Variants in C1QTNF8 observed in about 807,000 individuals in gnomAD.
The protein encoded by C1QTNF8 is C1q and TNF related 8, also known as complement C1q tumor necrosis factor-related protein 8.
C1QTNF8 carries 27 observed loss-of-function variants against 19.2 expected under a neutral mutation model. The ratio of observed to expected loss-of-function variants is 1.41; its 90% CI spans 1.04 to 1.94. The LOEUF is 1.94. Ranked by LOEUF, C1QTNF8 falls within the 30% of genes most tolerant of loss-of-function variation. The pLI is 0.00. For synonymous variants in C1QTNF8, 208 were observed against 172.8 expected (o/e 1.20, Z -1.60); for missense variants, 484 against 374.4 (o/e 1.29, Z -2.42).
At chr16:1,093,061 C>G (rs1392547347) in intron 4 of C1QTNF8, among the ~76,000 whole-genome samples, 9 of 120,980 alleles carry the variant, frequency 7.4e-5, no homozygotes, top group African/African-American at 1.1e-4. Flanking sequence ...CAACCAATCA[C>G]TGCACACAGT....
chr16:1,094,078 G>A, intron 3 of C1QTNF8, 27 bp from the exon 4 acceptor site: 1 of 1,408,926 alleles, frequency 7.1e-7, no homozygotes, highest in Non-Finnish European at 9.2e-7. Flanking sequence ...AAAGCCACGG[G>A]TCGGGGCCGG....
In C1QTNF8 at chr16:1,094,868, G is replaced by A. The variant is rs1245815526; in HGVS notation, c.55C>T (p.Pro19Ser). Residue 19 changes from proline to serine, a missense_variant, in exon 3 of 5, where the codon CCC (proline) becomes TCC (serine). Coordinates refer to ENST00000328449, the MANE Select transcript of C1QTNF8 (RefSeq NM_207419.3). ...ACACAGGGCCTCCTGGGCAGCCCGGGCCAGGCCCCCACGGGCAGCAGCAGT... is the reference window on the plus strand; with the variant it reads ...ACACAGGGCCTCCTGGGCAGCCCGGACCAGGCCCCCACGGGCAGCAGCAGT... ...LALLLPVGAW[P>S]GLPRRPCVHC... 1 of 1,405,070 alleles carries A rather than the reference G, an allele frequency of 7.1e-7. No individual in the cohort carries two copies. The highest frequency in any genetic ancestry group is 9.3e-7 in the Non-Finnish European group (1 of 1,075,466). The allele number at this position is 1,405,070 out of a possible 1,614,324, so 87.0% of individuals were successfully genotyped here.
At chr16:1,090,784 G>C (rs1314550945) in intron 4 of C1QTNF8, among the ~76,000 whole-genome samples, 190 bp from the exon 5 acceptor site, 5 of 152,200 alleles carry the variant, frequency 3.3e-5, no homozygotes, top group African/African-American at 1.2e-4. Context: ...GTGGGTGGTG[G>C]GGATGACTGA....
intron 4 of C1QTNF8, 119 bp downstream of exon 4, chr16:1,093,375 CCCA>C: frequency 1.5e-5 from 5 of 335,444 alleles, no homozygotes; most frequent in South Asian, 2.7e-5. Flanking sequence ...CCGCTGCCCG[CCCA>C]CCCCACCACA....
rs1044491759 is a variant in C1QTNF8 at position 1,089,490 on chromosome 16, C to T, written c.*1109G>A. Among the ~76,000 whole-genome samples, 24 of 152,296 alleles carry T rather than the reference C, an allele frequency of 1.6e-4. No individual in the cohort carries two copies. The East Asian group carries it at 3.3e-3, about 21-fold the overall frequency. ...CCCCTCACAGCTGCTCTGGGGTCCCCGACAGAGGCCTTTGCGCACCCCCTG... is the reference window on the plus strand; with the variant it reads ...CCCCTCACAGCTGCTCTGGGGTCCCTGACAGAGGCCTTTGCGCACCCCCTG... On this transcript the variant is annotated 3_prime_UTR_variant, in exon 5 of 5. Transcript: ENST00000328449.
chr16:1,094,731 G>T lies in C1QTNF8; in HGVS notation c.192C>A (p.Asp64Glu). The T allele has an allele frequency of 6.3e-7, 1 of 1,587,036 alleles. No individual in the cohort carries two copies. Among genetic ancestry groups the T allele is most frequent in the Non-Finnish European group, 8.6e-7 (1 of 1,168,116 alleles). Reference sequence around the variant, plus strand: ...GGGCCTCACCTTTGAGGATTTCGATGTCTATAGTGGGCCGTACTCGAGGCA... The same window carrying T: ...GGGCCTCACCTTTGAGGATTTCGATTTCTATAGTGGGCCGTACTCGAGGCA... ...RGLPRVRPTI[D>E]IEILKGEKGE... Residue 64 changes from aspartate to glutamate, a missense_variant, in exon 3 of 5, where the codon GAC (aspartate) becomes GAA (glutamate). Transcript: ENST00000328449.
In C1QTNF8 at chr16:1,094,870, C is replaced by T; in HGVS notation, c.53G>A (p.Trp18Ter). Residue 18 changes from tryptophan (W) to a stop codon, truncating the protein, a stop_gained, in exon 3 of 5, where the codon TGG (tryptophan) becomes TAG (stop). Transcript: ENST00000328449. LOFTEE classifies it high-confidence loss of function. ...LLALLLPVGA[W>*]PGLPRRPCVH... ...ACAGGGCCTCCTGGGCAGCCCGGGCCAGGCCCCCACGGGCAGCAGCAGTGC... is the reference window on the plus strand; with the variant it reads ...ACAGGGCCTCCTGGGCAGCCCGGGCTAGGCCCCCACGGGCAGCAGCAGTGC... 1 of 1,403,016 alleles carries T rather than the reference C, an allele frequency of 7.1e-7. No homozygotes were observed. Among genetic ancestry groups the T allele is most frequent in the Non-Finnish European group, 9.3e-7 (1 of 1,074,304 alleles). The allele number at this position is 1,403,016 out of a possible 1,614,324, so 86.9% of individuals were successfully genotyped here. A position where few individuals can be genotyped will look rare whatever the true frequency, so the allele number is the denominator to read the frequency against.
chr16:1,094,162 T>G (rs1251120495), intron 3 of C1QTNF8, 111 bp from the exon 4 acceptor site: 4 of 848,640 alleles, frequency 4.7e-6, no homozygotes, highest in Non-Finnish European at 3.2e-6. Flanking sequence ...GGACACACTC[T>G]TTGCAAGTGA....
rs541270200 is a variant in C1QTNF8 at position 1,094,040 on chromosome 16, C to T, written c.220G>A (p.Glu74Lys). The change falls in exon 4 of 5, where the codon GAG (glutamate) becomes AAG (lysine). Residue 74 changes from glutamate (E) to lysine (K), a missense_variant. By Grantham distance (56) the Glu-to-Lys change is moderately conservative (BLOSUM62 1). Coordinates refer to ENST00000328449, the MANE Select transcript of C1QTNF8 (RefSeq NM_207419.3). ...DIEILKGEKGEAGVRGRAGRS... is the reference protein window; with the variant it reads ...DIEILKGEKGKAGVRGRAGRS... ...CCGGCCCGACCTCGGACGCCGGCCT[C>T]ACCCTTCTCACCTGCAGGGGACAAA... 2.7e-6 allele frequency: 4 copies of T among 1,460,422 alleles called. No individual in the cohort carries two copies. Among genetic ancestry groups the T allele is most frequent in the African/African-American group, 3.0e-5 (2 of 67,356 alleles). The allele number at this position is 1,460,422 out of a possible 1,614,324, so 90.5% of individuals were successfully genotyped here.
At chr16:1,095,182 C>A (rs1417499031) in intron 2 of C1QTNF8, among the ~76,000 whole-genome samples, 1 of 152,224 alleles carries the variant, frequency 6.6e-6, no homozygotes, top group Non-Finnish European at 1.5e-5. Flanking sequence ...AAAGCTGGGG[C>A]CCCCACACCC....
intron 4 of C1QTNF8, 123 bp downstream of exon 4, chr16:1,093,374 G>GGCC: frequency 2.8e-5 from 5 of 180,216 alleles, no homozygotes; most frequent in Non-Finnish European, 4.0e-5. Context: ...TCCGCTGCCC[G>GGCC]CCCACCCCAC....
intron 4 of C1QTNF8, among the ~76,000 whole-genome samples, chr16:1,091,885 G>A (rs1567391930): frequency 6.6e-6 from 1 of 150,766 alleles, no homozygotes; most frequent in African/African-American, 2.5e-5. Context: ...CACACCGCCT[G>A]GAAGTGACCG....
At chr16:1,093,382 CACCA>C in intron 4 of C1QTNF8, 111 bp downstream of exon 4, 2 of 399,200 alleles carry the variant, frequency 5.0e-6, no homozygotes, top group Non-Finnish European at 9.0e-6. Context: ...CCGCCCACCC[CACCA>C]CACCCACACC....
intron 4 of C1QTNF8, among the ~76,000 whole-genome samples, chr16:1,091,297 G>A (rs910065103): frequency 1.8e-4 from 28 of 152,262 alleles, no homozygotes; most frequent in Middle Eastern, 6.8e-3. Flanking sequence ...GAGGGTTCCA[G>A]GCAGCATGGC....
chr16:1,094,935 T>TG lies in C1QTNF8; in HGVS notation c.-11-3dup. On this transcript the variant is annotated splice_polypyrimidine_tract_variant and splice_region_variant and intron_variant, in intron 2 of 4. Coordinates refer to ENST00000328449, the MANE Select transcript of C1QTNF8 (RefSeq NM_207419.3). ...CGGGGGCTGCCATCTTGGCCAGGGC[T>TG]GGGGGAGAGGAAAGAGGGGAGGGAC... 7.9e-7 allele frequency: 1 copy of TG among 1,260,398 alleles called. No homozygotes were observed. The highest frequency in any genetic ancestry group is 2.5e-5 in the South Asian group (1 of 39,492). 78.1% of individuals were successfully genotyped at this position (1,260,398 alleles called of 1,614,324 possible).
intron 4 of C1QTNF8, among the ~76,000 whole-genome samples, chr16:1,091,690 G>A (rs1395241566): frequency 1.3e-5 from 2 of 152,144 alleles, no homozygotes; most frequent in Non-Finnish European, 2.9e-5. Flanking sequence ...GGGGTCTGAG[G>A]CTTCCTCCGG....
Position 1,093,888 on chromosome 16 carries a change from G to T in C1QTNF8, c.372C>A (p.Arg124=). The change falls in exon 4 of 5, where the codon CGC becomes CGA. Residue 124 remains arginine (R), a synonymous_variant. Transcript: ENST00000328449. ...RAYAAFSVGR[R]EGLHSSDHFQ... ...AGTGGTCGGAGCTGTGCAGGCCCTC[G>T]CGCCGGCCCACGGAGAAGGCGGCGT... is the stretch of plus-strand genomic sequence containing the variant. 6.4e-7 allele frequency: 1 copy of T among 1,570,056 alleles called. No homozygotes were observed. Among genetic ancestry groups the T allele is most frequent in the Non-Finnish European group, 8.6e-7 (1 of 1,166,432 alleles).
Position 1,093,492 on chromosome 16 carries a change from C to A in C1QTNF8, c.*4+5G>T, listed in dbSNP as rs550005705. On this transcript the variant is annotated splice_donor_5th_base_variant and intron_variant, in intron 4 of 4. Coordinates refer to ENST00000328449, the MANE Select transcript of C1QTNF8 (RefSeq NM_207419.3). ...CGCCCGGTGCTCAGCCGCGGGGCCC[C>A]TCACCCGGCTACAGCTCGGCGGCCG... 4.4e-5 allele frequency: 67 copies of A among 1,510,570 alleles called. No individual in the cohort carries two copies. The East Asian group carries it at 1.6e-3, about 36-fold the overall frequency. The allele number at this position is 1,510,570 out of a possible 1,614,324, so 93.6% of individuals were successfully genotyped here.
At chr16:1,095,104 CAG>C (rs993657621) in intron 2 of C1QTNF8, among the ~76,000 whole-genome samples, 171 bp from the exon 3 acceptor site, 11 of 152,214 alleles carry the variant, frequency 7.2e-5, no homozygotes, top group African/African-American at 1.2e-4. Flanking sequence ...GGCCGAGGCT[CAG>C]GGGCTGCTAC....
Sources: allele counts gnomAD v4.1 joint callset (sites outside exome capture counted in the v4.1 genomes callset), GRCh38; gene constraint gnomAD v4.1.1; transcripts MANE v1.5; gene names NCBI Gene and HGNC (gene_info 2026-07-23, HGNC 2026-07-21).